The following MAPKAP1 variants were observed in gnomAD, a reference collection of about 807,000 sequenced individuals.
MAPKAP1 encodes the protein target of rapamycin complex 2 subunit MAPKAP1.
A neutral mutation model predicts 65.7 loss-of-function variants in MAPKAP1; 20 were observed. The observed-to-expected ratio is 0.30, with a 90% CI of 0.21 to 0.44. The LOEUF (loss-of-function observed/expected upper bound fraction) is 0.44. MAPKAP1 is among the 20% of genes least tolerant of loss of function. MAPKAP1 has a pLI of 1.00. For missense variants in MAPKAP1, 423 were observed against 648.0 expected, an observed-to-expected ratio of 0.65 and a Z score of 3.77; for synonymous variants, 222 against 244.3, an observed-to-expected ratio of 0.91 and a Z score of 0.85.
chr9:125,576,072 C>A (rs1831385905), intron 5 of MAPKAP1, among the ~76,000 whole-genome samples: 1 of 152,154 alleles, frequency 6.6e-6, no homozygotes, highest in South Asian at 2.1e-4. Flanking sequence ...GTGAAAAAAG[C>A]TAGTCTGAAA....
chr9:125,706,744 C>T (rs1156344823), intron 1 of MAPKAP1, among the ~76,000 whole-genome samples: 1 of 152,080 alleles, frequency 6.6e-6, no homozygotes, highest in Non-Finnish European at 1.5e-5. Flanking sequence ...CCCACACTAC[C>T]AGGTCAGCTG....
chr9:125,442,197 A>G (rs1408067153), intron 11 of MAPKAP1, among the ~76,000 whole-genome samples: 1 of 151,040 alleles, frequency 6.6e-6, no homozygotes, highest in East Asian at 1.9e-4. Context: ...CATCAGGCTC[A>G]TGATCATTAG....
chr9:125,510,458 G>C, intron 7 of MAPKAP1, among the ~76,000 whole-genome samples: 1 of 152,186 alleles, frequency 6.6e-6, no homozygotes, highest in Admixed American at 6.5e-5. Context: ...GTCCATGGTA[G>C]TACCATTCCC....
chr9:125,655,927 T>A (rs1834021243), intron 4 of MAPKAP1, among the ~76,000 whole-genome samples: 1 of 152,226 alleles, frequency 6.6e-6, no homozygotes, highest in Non-Finnish European at 1.5e-5. Flanking sequence ...GATGGTTTAC[T>A]TTTTATTTTC....
chr9:125,629,788 G>T (rs1833224549), intron 4 of MAPKAP1, among the ~76,000 whole-genome samples: 1 of 152,064 alleles, frequency 6.6e-6, no homozygotes, highest in Non-Finnish European at 1.5e-5. Context: ...AAATAAAAAA[G>T]AAAAGAAGAC....
intron 8 of MAPKAP1, among the ~76,000 whole-genome samples, chr9:125,488,291 C>T (rs1421878143): frequency 2.6e-5 from 4 of 152,166 alleles, no homozygotes; most frequent in Non-Finnish European, 4.4e-5. Flanking sequence ...CTCCAATTCA[C>T]GCTGCTCACT....
At chr9:125,550,276 G>A (rs959509991) in intron 6 of MAPKAP1, among the ~76,000 whole-genome samples, 12 of 152,238 alleles carry the variant, frequency 7.9e-5, no homozygotes, top group African/African-American at 2.9e-4. Flanking sequence ...AGCCTGACAT[G>A]TACATAGCAG....
intron 3 of MAPKAP1, among the ~76,000 whole-genome samples, chr9:125,668,687 T>C (rs13293237): frequency 0.31 from 46,891 of 152,210 alleles, 8,811 homozygotes; most frequent in Middle Eastern, 0.44. Flanking sequence ...GCTTTGAAAG[T>C]ATATAATATG....
At chr9:125,543,511 C>T (rs1160977944) in intron 6 of MAPKAP1, among the ~76,000 whole-genome samples, 2 of 151,730 alleles carry the variant, frequency 1.3e-5, no homozygotes, top group Non-Finnish European at 2.9e-5. Context: ...CTATTGACCT[C>T]GTGATCTGCC....
At chr9:125,653,794 T>C (rs1438604442) in intron 4 of MAPKAP1, among the ~76,000 whole-genome samples, 1 of 152,212 alleles carries the variant, frequency 6.6e-6, no homozygotes. Flanking sequence ...AGCATTATCC[T>C]ATTTGATGGT....
chr9:125,587,339 G>A (rs1428227342), intron 4 of MAPKAP1, among the ~76,000 whole-genome samples: 1 of 152,192 alleles, frequency 6.6e-6, no homozygotes, highest in South Asian at 2.1e-4. Flanking sequence ...GCCAAGGCAG[G>A]GAGATCACTT....
intron 1 of MAPKAP1, among the ~76,000 whole-genome samples, chr9:125,695,082 A>G (rs1732864009): frequency 6.6e-6 from 1 of 152,232 alleles, no homozygotes; most frequent in Admixed American, 6.5e-5. Flanking sequence ...AATACAAGTT[A>G]TACCAACTTG....
chr9:125,513,199 G>A (rs1446571184), intron 7 of MAPKAP1: 2 of 152,300 alleles, frequency 1.3e-5, no homozygotes, highest in South Asian at 2.1e-4. Context: ...ACACACCACT[G>A]CACTCAGTGG....
rs921625239 is a variant in MAPKAP1, at chr9:125,515,035, G to C, written c.959-8618C>G. 3.9e-5 allele frequency among the ~76,000 whole-genome samples: 6 copies of C among 152,064 alleles called. No individual in the cohort carries two copies. In the South Asian group the frequency reaches 1.2e-3, roughly 32 times the overall value. ...AATATAAGCACTGAACTATATTCAA[G>C]TGACAACCGCTGTAGCTTATACCCC... On this transcript the variant is annotated intron_variant, in intron 7 of 11. Coordinates refer to ENST00000265960, the MANE Select transcript of MAPKAP1 (RefSeq NM_001006617.3).
Position 125,706,952 on chromosome 9 carries a change from C to A in MAPKAP1, c.-70+19G>T, listed in dbSNP as rs1302733818. The stretch of plus-strand genomic sequence containing the variant: ...GGCTGACGGACGGGCGGGGAGCTGG[C>A]GGCTGGGGCAACCTTTACCTGAAGC... On this transcript the variant is annotated intron_variant, in intron 1 of 11. Transcript: ENST00000265960. The A allele has an allele frequency of 2.5e-6, 1 of 392,368 alleles. No individual in the cohort carries two copies. Among genetic ancestry groups the A allele is most frequent in the East Asian group, 3.6e-5 (1 of 27,792 alleles). 24.3% of individuals were successfully genotyped at this position (392,368 alleles called of 1,614,324 possible). A position where few individuals can be genotyped will look rare whatever the true frequency, so the allele number is the denominator to read the frequency against.
chr9:125,682,054 G>A (rs900514791), intron 1 of MAPKAP1, among the ~76,000 whole-genome samples: 1 of 151,842 alleles, frequency 6.6e-6, no homozygotes, highest in African/African-American at 2.4e-5. Context: ...GAGCCACTGT[G>A]CCCCTCCCCT....
chr9:125,587,317 G>C (rs2131582790), intron 4 of MAPKAP1, among the ~76,000 whole-genome samples: 1 of 152,288 alleles, frequency 6.6e-6, no homozygotes, highest in East Asian at 1.9e-4. Flanking sequence ...TGTAATCCCA[G>C]TACTTTGAGA....
chr9:125,456,299 A>C (rs904518687), intron 10 of MAPKAP1, among the ~76,000 whole-genome samples: 1 of 152,208 alleles, frequency 6.6e-6, no homozygotes, highest in Non-Finnish European at 1.5e-5. Context: ...CAAATCTGGA[A>C]TAGTTTTTCC....
intron 10 of MAPKAP1, among the ~76,000 whole-genome samples, chr9:125,467,223 T>G (rs1853711961): frequency 6.6e-6 from 1 of 152,230 alleles, no homozygotes; most frequent in African/African-American, 2.4e-5. Flanking sequence ...TTATATAGTT[T>G]AAATTTTTTT....
Sources: gnomAD v4.1 joint callset for allele counts (sites outside exome capture counted in the v4.1 genomes callset) on GRCh38, gnomAD v4.1.1 for gene constraint, MANE v1.5 for transcripts, NCBI Gene and HGNC (gene_info 2026-07-23, HGNC 2026-07-21) for gene names.